Variants in AR observed in about 807,000 individuals in gnomAD.
AR encodes androgen receptor.
AR carries 8 observed loss-of-function variants against 53.9 expected under a neutral mutation model. The ratio of observed to expected loss-of-function variants is 0.15; its 90% confidence interval spans 0.09 to 0.27. The LOEUF is 0.27. Ranked by LOEUF, AR falls within the 10% of genes least tolerant of loss-of-function variation. The pLI, the probability that AR is intolerant of heterozygous loss-of-function variation, is 1.00. For missense variants in AR, 639 were observed against 742.5 expected (o/e 0.86, Z 1.62); for synonymous variants, 359 against 316.4 (o/e 1.13, Z -1.43).
At chrX:67,683,167 G>T (rs1602253092) in intron 2 of AR, among the ~76,000 whole-genome samples, 1 of 111,735 alleles carries the variant, frequency 8.9e-6, no homozygotes, top group South Asian at 3.7e-4. Context: ...ACATTAGCAT[G>T]TTTATGCTTA....
At chrX:67,693,585 A>C (rs948232796) in intron 3 of AR, among the ~76,000 whole-genome samples, 3 of 112,114 alleles carry the variant, frequency 2.7e-5, no homozygotes, top group Non-Finnish European at 3.8e-5. Context: ...TTACCTGAGC[A>C]AGCTGCTTTT....
rs1188201603 is a variant in AR, at chrX:67,727,729, C to G, written c.*3888C>G. On this transcript the variant is annotated 3_prime_UTR_variant, in exon 8 of 8. Coordinates refer to ENST00000374690, the MANE Select transcript of AR (RefSeq NM_000044.6). ...ACCCGAGCATGGCCCCTGCATAGCC[C>G]TGGAAAAATAAGAGGCTGACTGTCT... is the stretch of plus-strand genomic sequence containing the variant. 1 of 171,354 alleles carries G rather than the reference C, an allele frequency of 5.8e-6. No homozygotes were observed. Among genetic ancestry groups the G allele is most frequent in the Admixed American group, 8.0e-5 (1 of 12,556 alleles). The allele number at this position is 171,354 out of a possible 1,213,427, so 14.1% of individuals were successfully genotyped here.
intron 4 of AR, among the ~76,000 whole-genome samples, chrX:67,715,102 C>T (rs1039060578): frequency 9.0e-5 from 10 of 111,393 alleles, no homozygotes; most frequent in African/African-American, 2.9e-4. Flanking sequence ...TTCCATGTGC[C>T]TTCACATTCA....
chrX:67,627,945 G>A (rs763424615), intron 1 of AR, among the ~76,000 whole-genome samples: 35 of 111,615 alleles, frequency 3.1e-4, no homozygotes, highest in South Asian at 3.8e-4. Flanking sequence ...TCAGATAGTT[G>A]TAGATATGCG....
intron 1 of AR, among the ~76,000 whole-genome samples, chrX:67,587,121 T>C (rs1922584982): frequency 8.9e-6 from 1 of 112,100 alleles, no homozygotes; most frequent in African/African-American, 3.2e-5. Context: ...TTTAGTAAGA[T>C]CATACAGCTA....
At chrX:67,694,532 A>T in intron 3 of AR, 1 of 1,002,438 alleles carries the variant, frequency 1.0e-6, no homozygotes, top group Non-Finnish European at 1.3e-6. Context: ...CCCAGTAAAA[A>T]ATGGCAACCG....
In AR at chrX:67,544,866, T is replaced by A. The variant is rs1473343804; in HGVS notation, c.-281T>A. 2.2e-5 allele frequency: 6 copies of A among 275,409 alleles called. No homozygotes were observed. Among genetic ancestry groups the A allele is most frequent in the Non-Finnish European group, 3.8e-5 (6 of 157,533 alleles). The allele number at this position is 275,409 out of a possible 1,213,427, so 22.7% of individuals were successfully genotyped here. ...AGGATTTTGTTTTTTTCTTTTAAGA[T>A]CTGGGCATCTTTTGAATCTACCCTT... is the stretch of plus-strand genomic sequence containing the variant. On this transcript the variant is annotated 5_prime_UTR_variant, in exon 1 of 8. Transcript: ENST00000374690.
intron 1 of AR, among the ~76,000 whole-genome samples, chrX:67,549,073 A>G (rs779209464): frequency 8.9e-6 from 1 of 112,253 alleles, no homozygotes; most frequent in Admixed American, 9.4e-5. Flanking sequence ...AAAAGTTAGT[A>G]TTTTCTTTCT....
intron 4 of AR, among the ~76,000 whole-genome samples, chrX:67,715,669 T>A (rs951244339): frequency 8.9e-6 from 1 of 112,139 alleles, no homozygotes; most frequent in African/African-American, 3.2e-5. Flanking sequence ...CAGCCACATA[T>A]AAACCATATG....
At chrX:67,554,658 G>A (rs1270619494) in intron 1 of AR, among the ~76,000 whole-genome samples, 2 of 111,525 alleles carry the variant, frequency 1.8e-5, no homozygotes, top group Non-Finnish European at 3.8e-5. Context: ...GAATCTGGCC[G>A]GGCATGGTGG....
chrX:67,680,124 A>G (rs960442209), intron 2 of AR, among the ~76,000 whole-genome samples: 1 of 111,860 alleles, frequency 8.9e-6, no homozygotes, highest in African/African-American at 3.2e-5. Context: ...CAAATGATTC[A>G]CTAGTTGTTC....
intron 1 of AR, among the ~76,000 whole-genome samples, chrX:67,567,278 A>C (rs1383056694): frequency 9.0e-6 from 1 of 111,731 alleles, no homozygotes; most frequent in Non-Finnish European, 1.9e-5. Flanking sequence ...AATCAAAGTC[A>C]CAGCTAATTC....
At chrX:67,582,624 T>C (rs979384299) in intron 1 of AR, among the ~76,000 whole-genome samples, 2 of 111,899 alleles carry the variant, frequency 1.8e-5, no homozygotes, top group African/African-American at 6.5e-5. Context: ...CTAAAGATAC[T>C]GATTCTCAGT....
intron 6 of AR, 138 bp from the exon 7 acceptor site, chrX:67,722,689 C>T (rs1031897402): frequency 3.7e-5 from 27 of 725,164 alleles, no homozygotes; most frequent in South Asian, 7.1e-5. Context: ...AGCACACAGA[C>T]TTCAACTAAC....
At chrX:67,561,562 A>T (rs1921305972) in intron 1 of AR, among the ~76,000 whole-genome samples, 1 of 112,325 alleles carries the variant, frequency 8.9e-6, no homozygotes, top group Non-Finnish European at 1.9e-5. Context: ...ACACCATTTT[A>T]TATGTTTTAG....
rs1360259628 is a variant in AR at position 67,727,134 on chromosome X, A to G, written c.*3293A>G. On this transcript the variant is annotated 3_prime_UTR_variant, in exon 8 of 8. Coordinates refer to ENST00000374690, the MANE Select transcript of AR (RefSeq NM_000044.6). Reference sequence around the variant, plus strand: ...GCCTAGGCCCAGCCTCTGAGCTGACATGGGAGTTGTTGGATTCTTTGTTTC... The same window carrying G: ...GCCTAGGCCCAGCCTCTGAGCTGACGTGGGAGTTGTTGGATTCTTTGTTTC... The G allele has an allele frequency of 5.8e-6, 1 of 171,027 alleles. No individual in the cohort carries two copies. Among genetic ancestry groups the G allele is most frequent in the African/African-American group, 2.9e-5 (1 of 33,956 alleles). The allele number at this position is 171,027 out of a possible 1,213,427, so 14.1% of individuals were successfully genotyped here. A position where few individuals can be genotyped will look rare whatever the true frequency, so the allele number is the denominator to read the frequency against.
chrX:67,604,703 A>G (rs1301350690), intron 1 of AR, among the ~76,000 whole-genome samples: 2 of 111,892 alleles, frequency 1.8e-5, no homozygotes, highest in Non-Finnish European at 3.8e-5. Context: ...CATTTATAAT[A>G]AGCACATATC....
At chrX:67,694,774 G>T in intron 3 of AR, 2 of 1,146,738 alleles carry the variant, frequency 1.7e-6, no homozygotes, top group South Asian at 2.0e-5. Flanking sequence ...GGCTCTAGTG[G>T]ATAGTCTGGA....
chrX:67,683,768 A>C (rs2075950025), intron 2 of AR, among the ~76,000 whole-genome samples: 1 of 112,033 alleles, frequency 8.9e-6, no homozygotes, highest in East Asian at 2.8e-4. Context: ...CTTACTCCTG[A>C]GTAAATTGTA....
Sources: allele counts gnomAD v4.1 joint callset (sites outside exome capture counted in the v4.1 genomes callset), GRCh38; gene constraint gnomAD v4.1.1; transcripts MANE v1.5; gene names NCBI Gene and HGNC (gene_info 2026-07-23, HGNC 2026-07-21).